PTCSC3: variants seen among roughly 807,000 people sequenced by gnomAD.
PTCSC3 encodes papillary thyroid carcinoma susceptibility candidate 3.
At chr14:36,146,400 C>T (rs1288698734) in intron 3 of PTCSC3, among the ~76,000 whole-genome samples, 1 of 150,564 alleles carries the variant, frequency 6.6e-6, no homozygotes, top group African/African-American at 2.4e-5. Flanking sequence ...TGAATTGATC[C>T]CTTTACCATT....
At chr14:36,166,886 G>A (rs1307740022) in intron 1 of PTCSC3, among the ~76,000 whole-genome samples, 4 of 152,260 alleles carry the variant, frequency 2.6e-5, no homozygotes, top group East Asian at 1.9e-4. Context: ...GGTTAAAAGT[G>A]CAGTTCTCCT....
At chr14:36,163,964 C>T (rs1428777554) in intron 1 of PTCSC3, among the ~76,000 whole-genome samples, 1 of 152,134 alleles carries the variant, frequency 6.6e-6, no homozygotes. Context: ...TTTATAACAA[C>T]AGACGGTGTC....
chr14:36,142,664 T>A (rs117058832), intron 3 of PTCSC3, among the ~76,000 whole-genome samples: 4,727 of 152,122 alleles, frequency 0.031, 182 homozygotes, highest in Admixed American at 0.11. Context: ...CTTTTTTTTT[T>A]TTATTATTAT....
At chr14:36,168,360 A>AATATAT (rs147400390) in intron 1 of PTCSC3, among the ~76,000 whole-genome samples, 3,542 of 113,346 alleles carry the variant, frequency 0.031, 118 homozygotes, top group African/African-American at 0.07. Context: ...ATTGATTCTG[A>AATATAT]ATATATATAT....
At chr14:36,152,899 GAAAAA>G (rs34538222) in intron 3 of PTCSC3, among the ~76,000 whole-genome samples, 1 of 146,278 alleles carries the variant, frequency 6.8e-6, no homozygotes, top group African/African-American at 2.5e-5. Context: ...ATCTCGAAAG[GAAAAA>G]AAAAAAGAAA....
intron 1 of PTCSC3, among the ~76,000 whole-genome samples, chr14:36,174,562 C>T (rs1882248782): frequency 6.6e-6 from 1 of 151,992 alleles, no homozygotes; most frequent in Non-Finnish European, 1.5e-5. Flanking sequence ...CTGTAGTCTT[C>T]CTCTAAAAAT....
intron 1 of PTCSC3, among the ~76,000 whole-genome samples, chr14:36,171,868 T>C (rs767625623): frequency 6.6e-6 from 1 of 152,124 alleles, no homozygotes; most frequent in African/African-American, 2.4e-5. Flanking sequence ...CCAGGGAATA[T>C]TAGCAAATGT....
chr14:36,138,965 T>A (rs1312450697), intron 3 of PTCSC3, among the ~76,000 whole-genome samples: 1 of 151,758 alleles, frequency 6.6e-6, no homozygotes, highest in Admixed American at 6.6e-5. Flanking sequence ...ATACAAAAAA[T>A]TAGCTGGGCG....
intron 3 of PTCSC3, among the ~76,000 whole-genome samples, chr14:36,136,988 T>TCA (rs1478925289): frequency 6.6e-6 from 1 of 152,216 alleles, no homozygotes; most frequent in Non-Finnish European, 1.5e-5. Flanking sequence ...TGAGGAGCTT[T>TCA]CATTCTGGAA....
intron 3 of PTCSC3, among the ~76,000 whole-genome samples, chr14:36,150,345 A>G (rs1881692718): frequency 6.6e-6 from 1 of 152,284 alleles, no homozygotes; most frequent in South Asian, 2.1e-4. Context: ...TCACCACATG[A>G]GGACCCTGAA....
intron 3 of PTCSC3, among the ~76,000 whole-genome samples, chr14:36,147,272 C>A (rs935581789): frequency 2.7e-4 from 41 of 152,164 alleles, no homozygotes; most frequent in Middle Eastern, 3.2e-3. Context: ...CAATTTGGTT[C>A]CATTCTCCCC....
At chr14:36,138,662 G>T (rs1881342729) in intron 3 of PTCSC3, among the ~76,000 whole-genome samples, 2 of 152,140 alleles carry the variant, frequency 1.3e-5, no homozygotes, top group Non-Finnish European at 2.9e-5. Context: ...AAATTTAAAA[G>T]ATTGACATAA....
At chr14:36,153,737 A>T (rs1005949520) in intron 3 of PTCSC3, 2 of 152,178 alleles carry the variant, frequency 1.3e-5, no homozygotes, top group African/African-American at 4.8e-5. Context: ...TGGATAAATA[A>T]ATCTTGTTAT....
At chr14:36,150,941 T>TA (rs35223802) in intron 3 of PTCSC3, among the ~76,000 whole-genome samples, 90,374 of 151,788 alleles carry the variant, frequency 0.6, 27,949 homozygotes, top group Non-Finnish European at 0.69. Flanking sequence ...GGTATTTTTT[T>TA]AAAAAAACCT....
chr14:36,159,742 G>T (rs967675876), intron 2 of PTCSC3, among the ~76,000 whole-genome samples: 1 of 152,186 alleles, frequency 6.6e-6, no homozygotes, highest in East Asian at 1.9e-4. Context: ...GGAGAGTTCT[G>T]TAGATGTCTG....
intron 3 of PTCSC3, among the ~76,000 whole-genome samples, chr14:36,136,728 T>C (rs1881296068): frequency 1.3e-5 from 2 of 152,156 alleles, no homozygotes; most frequent in African/African-American, 2.4e-5. Context: ...GGGAATAAAA[T>C]GCAAATAAGA....
At chr14:36,173,246 A>AAAG (rs1882220315) in intron 1 of PTCSC3, among the ~76,000 whole-genome samples, 1 of 152,134 alleles carries the variant, frequency 6.6e-6, no homozygotes, top group Admixed American at 6.6e-5. Context: ...ATGACTATTT[A>AAAG]AAGTATATAG....
downstream of PTCSC3, among the ~76,000 whole-genome samples, chr14:36,135,527 C>G (rs948979982): frequency 3.9e-5 from 6 of 152,140 alleles, no homozygotes; most frequent in Admixed American, 3.3e-4. Flanking sequence ...GGAGAAGTGT[C>G]TCTCTTGTAA....
At chr14:36,153,525 A>T (rs1446861317) in intron 3 of PTCSC3, among the ~76,000 whole-genome samples, 1 of 152,194 alleles carries the variant, frequency 6.6e-6, no homozygotes. Context: ...CTAATAGGAG[A>T]TTATTTGTAC....
Sources: allele counts gnomAD v4.1 joint callset (sites outside exome capture counted in the v4.1 genomes callset), GRCh38; gene constraint gnomAD v4.1.1; transcripts MANE v1.5; gene names NCBI Gene and HGNC (gene_info 2026-07-23, HGNC 2026-07-21).